Variants in SNCAIP observed in about 807,000 individuals in gnomAD.
SNCAIP encodes the protein synphilin-1.
Under a neutral mutation model 86.7 loss-of-function variants are expected in SNCAIP, and 43 were observed. That is an observed-to-expected ratio of 0.50 (90% CI 0.39 to 0.64). The LOEUF is 0.64. SNCAIP is among the 30% of genes least tolerant of loss of function. The pLI, the probability that SNCAIP is intolerant of heterozygous loss-of-function variation, is 0.00. For missense variants in SNCAIP, 981 were observed against 1,103.1 expected, an observed-to-expected ratio of 0.89 and a Z score of 1.57; for synonymous variants, 417 against 427.2, an observed-to-expected ratio of 0.98 and a Z score of 0.29.
At chr5:122,375,072 T>C (rs1462334944) in intron 1 of SNCAIP, among the ~76,000 whole-genome samples, 3 of 152,152 alleles carry the variant, frequency 2.0e-5, no homozygotes, top group Non-Finnish European at 4.4e-5. Context: ...TGCTAAGTCA[T>C]ACTCTGTGTA....
At chr5:122,396,425 G>A (rs951666824) in intron 2 of SNCAIP, among the ~76,000 whole-genome samples, 2 of 152,102 alleles carry the variant, frequency 1.3e-5, no homozygotes, top group South Asian at 2.1e-4. Context: ...ATGAGCAACC[G>A]CTGGATTTTT....
At chr5:122,319,772 T>G (rs981526355) in intron 1 of SNCAIP, among the ~76,000 whole-genome samples, 1 of 152,214 alleles carries the variant, frequency 6.6e-6, no homozygotes, top group Non-Finnish European at 1.5e-5. Context: ...TAACCATTTA[T>G]TCAGTGTTTA....
chr5:122,398,827 G>A (rs1330065896), intron 2 of SNCAIP, among the ~76,000 whole-genome samples: 1 of 152,094 alleles, frequency 6.6e-6, no homozygotes, highest in Non-Finnish European at 1.5e-5. Flanking sequence ...ACAATATCTG[G>A]GGTGGTCAGA....
rs754791570 is a variant in SNCAIP, at chr5:122,422,917, G to A, written c.180G>A (p.Thr60=). 72 of 1,613,862 alleles carry A rather than the reference G, an allele frequency of 4.5e-5. No individual in the cohort carries two copies. Among genetic ancestry groups the A allele is most frequent in the Non-Finnish European group, 5.0e-5 (59 of 1,179,896 alleles). The change falls in exon 4 of 11, where the codon ACG becomes ACA. Residue 60 remains threonine, a synonymous_variant. Coordinates refer to ENST00000261368, the MANE Select transcript of SNCAIP (RefSeq NM_005460.4). The part of the protein sequence containing the change: ...NCGISTLITN[T]QKPTGIADVY... ...GCATCTCAACTCTTATTACAAACAC[G>A]CAAAAGCCCACAGGAATCGCTGATG...
intron 1 of SNCAIP, among the ~76,000 whole-genome samples, chr5:122,358,299 G>A (rs1236955507): frequency 6.7e-6 from 1 of 150,212 alleles, no homozygotes; most frequent in African/African-American, 2.4e-5. Flanking sequence ...TTGGTGTGCT[G>A]CACCCATTAA....
At chr5:122,428,028 A>G (rs1443385266) in intron 5 of SNCAIP, among the ~76,000 whole-genome samples, 1 of 152,206 alleles carries the variant, frequency 6.6e-6, no homozygotes, top group African/African-American at 2.4e-5. Context: ...ATGATTAAGC[A>G]AAGTAATTGG....
At chr5:122,456,895 G>A (rs533013547) in intron 10 of SNCAIP, among the ~76,000 whole-genome samples, 1 of 152,324 alleles carries the variant, frequency 6.6e-6, no homozygotes, top group South Asian at 2.1e-4. Context: ...AGAAAAGTTT[G>A]TTAAAGCTGT....
intron 1 of SNCAIP, among the ~76,000 whole-genome samples, chr5:122,361,315 G>T (rs182704761): frequency 6.6e-6 from 1 of 151,828 alleles, no homozygotes; most frequent in Non-Finnish European, 1.5e-5. Flanking sequence ...GTTATTTACT[G>T]CTCCAAATTT....
At chr5:122,431,877 A>G in intron 5 of SNCAIP, 92 bp from the exon 6 acceptor site, 1 of 733,848 alleles carries the variant, frequency 1.4e-6, no homozygotes. Flanking sequence ...AATTTATATG[A>G]TTTCTTTCCT....
intron 7 of SNCAIP, chr5:122,444,223 G>A (rs1488369359): frequency 8.3e-6 from 4 of 481,144 alleles, no homozygotes; most frequent in South Asian, 6.2e-5. Context: ...CCCTCTTACA[G>A]GCATCTCTGA....
chr5:122,359,035 T>C (rs549047764), intron 1 of SNCAIP, among the ~76,000 whole-genome samples: 21 of 56,602 alleles, frequency 3.7e-4, no homozygotes, highest in Non-Finnish European at 7.0e-4. Context: ...TAAATTATAA[T>C]CTGGAGCCTT....
rs199771835 is a variant in SNCAIP at position 122,342,356 on chromosome 5, G to GAA, written c.-47+30073_-47+30074dup. Among the ~76,000 whole-genome samples the GAA allele has an allele frequency of 7.5e-3, 1,139 of 152,144 alleles. 30 individuals carry two copies. The highest frequency in any genetic ancestry group is 0.032 in the Admixed American group (496 of 15,272). On this transcript the variant is annotated intron_variant, in intron 1 of 10. Transcript: ENST00000261368. ...TGCTCCCAGGGCACGGGTCCTCAGG[G>GAA]AATGTCCACAGGAATTACCACTGCA...
At chr5:122,453,750 G>A (rs867386201) in intron 10 of SNCAIP, among the ~76,000 whole-genome samples, 24 of 149,852 alleles carry the variant, frequency 1.6e-4, no homozygotes, top group African/African-American at 5.1e-4. Flanking sequence ...CATTTTAAAA[G>A]ACTATCACTT....
At chr5:122,371,843 G>A (rs535509396) in intron 1 of SNCAIP, 1 of 152,320 alleles carries the variant, frequency 6.6e-6, no homozygotes, top group South Asian at 2.1e-4. Context: ...CACCAACACA[G>A]TGGCTGGCTC....
intron 6 of SNCAIP, 64 bp downstream of exon 6, chr5:122,432,146 A>G (rs903472878): frequency 2.6e-6 from 2 of 764,002 alleles, no homozygotes; most frequent in East Asian, 2.5e-5. Context: ...CTTTTTTATT[A>G]TTAGTCCATC....
At chr5:122,403,560 A>G (rs1772300641) in intron 2 of SNCAIP, among the ~76,000 whole-genome samples, 2 of 151,924 alleles carry the variant, frequency 1.3e-5, no homozygotes, top group Non-Finnish European at 1.5e-5. Flanking sequence ...TTTTTTGTTA[A>G]AGAAGGAGTG....
In SNCAIP at chr5:122,450,622, A is replaced by T; in HGVS notation, c.1775A>T (p.Gln592Leu). 6.2e-7 allele frequency: 1 copy of T among 1,614,136 alleles called. No individual in the cohort carries two copies. The highest frequency in any genetic ancestry group is 2.2e-5 in the East Asian group (1 of 44,876). ...DSVAKSKPGV[Q>L]EGIQVLGSLS... is the part of the protein sequence containing the mutation. The stretch of plus-strand genomic sequence containing the variant: ...GTAGCCAAAAGCAAGCCAGGAGTCC[A>T]AGAGGGGATTCAGGTTCTTGGAAGC... Residue 592 changes from glutamine to leucine, a missense_variant, in exon 10 of 11, where the codon CAA becomes CTA. By Grantham distance (113) the Gln-to-Leu change is moderately radical. Coordinates refer to ENST00000261368, the MANE Select transcript of SNCAIP (RefSeq NM_005460.4).
chr5:122,387,885 G>A (rs2152833699), intron 1 of SNCAIP, among the ~76,000 whole-genome samples: 1 of 152,256 alleles, frequency 6.6e-6, no homozygotes, highest in Admixed American at 6.5e-5. Context: ...TTGCTGTTGT[G>A]GTATGATAAT....
chr5:122,366,981 G>A (rs892905785), intron 1 of SNCAIP, among the ~76,000 whole-genome samples: 53 of 152,138 alleles, frequency 3.5e-4, no homozygotes, highest in African/African-American at 1.2e-3. Flanking sequence ...GAAAATGGTA[G>A]GAAGGATGGA....
Sources: allele counts gnomAD v4.1 joint callset (sites outside exome capture counted in the v4.1 genomes callset), GRCh38; gene constraint gnomAD v4.1.1; transcripts MANE v1.5; gene names NCBI Gene and HGNC (gene_info 2026-07-23, HGNC 2026-07-21).